The following PNKD variants were observed in gnomAD, a reference collection of about 807,000 sequenced individuals.
PNKD encodes the protein probable thioesterase PNKD.
PNKD carries 36 observed loss-of-function variants against 45.3 expected under a neutral mutation model. That is an observed-to-expected ratio of 0.80 (90% CI 0.61 to 1.05). The LOEUF (loss-of-function observed/expected upper bound fraction) is 1.05. PNKD is among the 50% of genes least tolerant of loss of function. PNKD has a pLI of 0.00. For synonymous variants in PNKD, 197 were observed against 210.1 expected (o/e 0.94, Z 0.54); for missense variants, 511 against 506.6 (o/e 1.01, Z -0.08).
At chr2:218,292,642 C>T (rs1693018760) in intron 2 of PNKD, 2 of 152,210 alleles carry the variant, frequency 1.3e-5, no homozygotes, top group African/African-American at 2.4e-5. Context: ...GCGCGCCTCT[C>T]AGAGCCCCGA....
At chr2:218,314,680 A>G (rs1693721113) in intron 2 of PNKD, among the ~76,000 whole-genome samples, 1 of 150,908 alleles carries the variant, frequency 6.6e-6, no homozygotes, top group Non-Finnish European at 1.5e-5. Context: ...AAGATCAAGT[A>G]TATTTAAGTT....
At chr2:218,277,593 TAC>T (rs1691357177) in intron 2 of PNKD, 1 of 1,613,718 alleles carries the variant, frequency 6.2e-7, no homozygotes, top group Non-Finnish European at 8.5e-7. Context: ...CTCCCCACAA[TAC>T]ACATTTCCCA....
chr2:218,286,174 C>T (rs1375165933), intron 2 of PNKD, among the ~76,000 whole-genome samples: 2 of 152,110 alleles, frequency 1.3e-5, no homozygotes, highest in Admixed American at 6.6e-5. Flanking sequence ...TCCCAAAATA[C>T]AGTAGGCATT....
chr2:218,339,623 T>TA (rs1424030026), intron 2 of PNKD, among the ~76,000 whole-genome samples, 160 bp from the exon 3 acceptor site: 1 of 152,128 alleles, frequency 6.6e-6, no homozygotes, highest in Non-Finnish European at 1.5e-5. Context: ...TCCTGAGTGC[T>TA]AAGCAGGGCA....
intron 2 of PNKD, among the ~76,000 whole-genome samples, chr2:218,329,793 C>T (rs1694267236): frequency 6.6e-6 from 1 of 152,258 alleles, no homozygotes; most frequent in Non-Finnish European, 1.5e-5. Context: ...TCAGTTTCCT[C>T]AGTTTTGAGA....
At chr2:218,297,732 G>A (rs1446441439) in intron 2 of PNKD, among the ~76,000 whole-genome samples, 9 of 148,178 alleles carry the variant, frequency 6.1e-5, no homozygotes, top group Non-Finnish European at 1.5e-5. Flanking sequence ...AATCACAGTG[G>A]CTCACGCTTG....
chr2:218,302,901 A>T (rs1693309047), intron 2 of PNKD, among the ~76,000 whole-genome samples: 1 of 151,978 alleles, frequency 6.6e-6, no homozygotes, highest in Non-Finnish European at 1.5e-5. Flanking sequence ...TGATTAAAAG[A>T]GTTACCTAAA....
chr2:218,278,411 A>C (rs917720659), intron 2 of PNKD: 7 of 1,192,194 alleles, frequency 5.9e-6, no homozygotes, highest in Non-Finnish European at 8.7e-6. Context: ...CATTTCTTGT[A>C]AGTTTCCATT....
chr2:218,335,425 G>A (rs2106287869), intron 2 of PNKD, among the ~76,000 whole-genome samples: 1 of 152,106 alleles, frequency 6.6e-6, no homozygotes, highest in Non-Finnish European at 1.5e-5. Context: ...AGGTTGCGGT[G>A]AGCCAAGATC....
chr2:218,297,042 G>A (rs1366907071), intron 2 of PNKD, among the ~76,000 whole-genome samples: 1 of 152,212 alleles, frequency 6.6e-6, no homozygotes, highest in Non-Finnish European at 1.5e-5. Context: ...TGAGGTGAAA[G>A]TGCCTGTTTC....
chr2:218,343,519 T>G lies in PNKD; in HGVS notation c.801T>G (p.Asn267Lys), dbSNP rs763028977. The change falls in exon 8 of 10, where the codon AAT becomes AAG. Residue 267 changes from asparagine to lysine, a missense_variant. Physicochemically the swap from Asn to Lys is moderately conservative, Grantham distance 94 (BLOSUM62 0). Transcript: ENST00000273077. ...LSGCGRTFEG[N>K]AETMLSSLDT... is the part of the protein sequence containing the mutation. ...ACCCAGGGCGGACCTTTGAGGGCAA[T>G]GCAGAGACCATGCTGAGCTCACTGG... 2 of 1,613,702 alleles carry G rather than the reference T, an allele frequency of 1.2e-6. No homozygotes were observed. The highest frequency in any genetic ancestry group is 1.7e-6 in the Non-Finnish European group (2 of 1,179,814).
intron 2 of PNKD, chr2:218,279,279 A>G (rs1230316706): frequency 6.4e-7 from 1 of 1,573,562 alleles, no homozygotes; most frequent in Non-Finnish European, 8.6e-7. Context: ...GGCAAAGCCT[A>G]GAGACTTACA....
intron 2 of PNKD, among the ~76,000 whole-genome samples, chr2:218,308,603 T>C (rs1252678887): frequency 6.6e-6 from 1 of 152,016 alleles, no homozygotes; most frequent in Non-Finnish European, 1.5e-5. Context: ...TCTTTTTTTT[T>C]TTTAGACGAG....
At chr2:218,332,423 G>T (rs1436046971) in intron 2 of PNKD, among the ~76,000 whole-genome samples, 2 of 152,176 alleles carry the variant, frequency 1.3e-5, no homozygotes, top group Non-Finnish European at 1.5e-5. Context: ...CACCAATTCT[G>T]CAGGCAGATG....
At position 218,298,929 on chromosome 2, in the gene PNKD, C is replaced by T. The variant is rs11897720; in HGVS notation, c.236+27380C>T. 7.4e-3 allele frequency among the ~76,000 whole-genome samples: 1,132 copies of T among 152,174 alleles called. 12 individuals are homozygous for T. The highest frequency in any genetic ancestry group is 0.024 in the African/African-American group (1,003 of 41,510). ...CAGCGATTTCCTCTTATTCCCAACCCACGATATTAGCTGCCTGAGAACCTC... is the reference window on the plus strand; with the variant it reads ...CAGCGATTTCCTCTTATTCCCAACCTACGATATTAGCTGCCTGAGAACCTC... On this transcript the variant is annotated intron_variant, in intron 2 of 9. Coordinates refer to ENST00000273077, the MANE Select transcript of PNKD (RefSeq NM_015488.5).
intron 2 of PNKD, among the ~76,000 whole-genome samples, chr2:218,314,465 C>A (rs936323509): frequency 2.6e-5 from 4 of 151,628 alleles, no homozygotes; most frequent in Non-Finnish European, 5.9e-5. Context: ...TCAAGCGATC[C>A]TCCCACCTTG....
chr2:218,340,146 G>GGGGA lies in PNKD; in HGVS notation c.465+9_465+12dup, dbSNP rs760414911. Reference sequence around the variant, plus strand: ...TCAGACCCTCGGGCTGTGCAGGTGAGGGGAGGGCAGGGAGCAGGGGGTGCC... The same window carrying GGGGA: ...TCAGACCCTCGGGCTGTGCAGGTGAGGGGAGGGAGGGCAGGGAGCAGGGGGTGCC... On this transcript the variant is annotated splice_donor_region_variant and intron_variant, in intron 4 of 9. Coordinates refer to ENST00000273077, the MANE Select transcript of PNKD (RefSeq NM_015488.5). This position sits in a 1 kb window ranked among gnomAD's most constrained non-coding sequence, Gnocchi z 4.2. 6.3e-7 allele frequency: 1 copy of GGGGA among 1,582,286 alleles called. No homozygotes were observed. The highest frequency in any genetic ancestry group is 2.2e-5 in the East Asian group (1 of 44,724).
At chr2:218,310,757 A>C (rs1424308424) in intron 2 of PNKD, among the ~76,000 whole-genome samples, 1 of 150,776 alleles carries the variant, frequency 6.6e-6, no homozygotes, top group Admixed American at 6.6e-5. Flanking sequence ...ACACCTGCCT[A>C]ATTTTTATAT....
Position 218,342,134 on chromosome 2 carries a change from C to T in PNKD, c.771C>T (p.Leu257=), listed in dbSNP as rs755042418. ...TCTTCTCAGGGGACCTGCTCTTCCT[C>T]TCTGGCTGTGGTGAGTTTCCCCGAA... ...SCLFSGDLLF[L]SGCGRTFEGN... Residue 257 remains leucine, a synonymous_variant, in exon 7 of 10, where the codon CTC becomes CTT. Transcript: ENST00000273077. 20 of 1,612,950 alleles carry T rather than the reference C, an allele frequency of 1.2e-5. No homozygotes were observed. The highest frequency in any genetic ancestry group is 1.7e-5 in the Non-Finnish European group (20 of 1,179,846).
Sources: gnomAD v4.1 joint callset for allele counts (sites outside exome capture counted in the v4.1 genomes callset) on GRCh38, gnomAD v4.1.1 for gene constraint, Gnocchi (gnomAD v3.1) non-coding constraint, MANE v1.5 for transcripts, NCBI Gene and HGNC (gene_info 2026-07-23, HGNC 2026-07-21) for gene names.